The following SLC9A9 variants were observed in gnomAD, a reference collection of about 807,000 sequenced individuals.
SLC9A9 encodes sodium/hydrogen exchanger 9.
SLC9A9 carries 62 observed loss-of-function variants against 77.8 expected under a neutral mutation model. The ratio of observed to expected loss-of-function variants is 0.80; its 90% CI spans 0.65 to 0.98. SLC9A9 has a LOEUF of 0.98. SLC9A9 is among the 50% of genes least tolerant of loss of function. SLC9A9 has a pLI of 0.00. For missense variants in SLC9A9, 775 were observed against 774.9 expected (o/e 1.00, Z 0.00); for synonymous variants, 320 against 283.5 (o/e 1.13, Z -1.29).
chr3:143,273,854 T>C (rs1410102179), intron 14 of SLC9A9, among the ~76,000 whole-genome samples: 1 of 152,226 alleles, frequency 6.6e-6, no homozygotes, highest in Non-Finnish European at 1.5e-5. Flanking sequence ...AATTTGGAAT[T>C]CTCTGGAGTA....
intron 8 of SLC9A9, among the ~76,000 whole-genome samples, chr3:143,568,645 G>C (rs1377691484): frequency 1.3e-5 from 2 of 152,158 alleles, no homozygotes; most frequent in African/African-American, 4.8e-5. Context: ...AAAGTGATCT[G>C]TTATTCAGGT....
intron 11 of SLC9A9, among the ~76,000 whole-genome samples, chr3:143,484,526 T>C (rs1230507973): frequency 6.6e-6 from 1 of 152,190 alleles, no homozygotes; most frequent in Non-Finnish European, 1.5e-5. Flanking sequence ...ACCTGATTCA[T>C]CACCTGATAC....
chr3:143,279,340 C>T (rs1257898985), intron 14 of SLC9A9, among the ~76,000 whole-genome samples: 1 of 152,176 alleles, frequency 6.6e-6, no homozygotes, highest in Non-Finnish European at 1.5e-5. Context: ...TAGGGTCCTG[C>T]CATAGGAATG....
chr3:143,623,128 C>T (rs548809052), intron 6 of SLC9A9, among the ~76,000 whole-genome samples: 2 of 152,232 alleles, frequency 1.3e-5, no homozygotes, highest in East Asian at 3.9e-4. Context: ...TCCTTAGAGA[C>T]CTACAAAGAG....
At chr3:143,811,769 C>T (rs570600587) in intron 2 of SLC9A9, 112 of 450,654 alleles carry the variant, frequency 2.5e-4, no homozygotes, top group African/African-American at 2.0e-3. Flanking sequence ...GTCTAAGGCA[C>T]GAGAATCGCA....
intron 4 of SLC9A9, among the ~76,000 whole-genome samples, chr3:143,783,459 C>A (rs1416569381): frequency 6.6e-6 from 1 of 152,148 alleles, no homozygotes; most frequent in African/African-American, 2.4e-5. Context: ...CTCCTGGCCC[C>A]CTAAGTGTGG....
chr3:143,784,390 T>C (rs542305589), intron 4 of SLC9A9, among the ~76,000 whole-genome samples: 1 of 152,292 alleles, frequency 6.6e-6, no homozygotes, highest in East Asian at 1.9e-4. Flanking sequence ...GGAATGTCAG[T>C]ATGTCTAATG....
At chr3:143,713,780 G>A (rs1448063798) in intron 4 of SLC9A9, among the ~76,000 whole-genome samples, 1 of 152,106 alleles carries the variant, frequency 6.6e-6, no homozygotes, top group Non-Finnish European at 1.5e-5. Context: ...GAAATAAAAC[G>A]AGATAACTTT....
intron 4 of SLC9A9, among the ~76,000 whole-genome samples, chr3:143,722,381 A>G (rs866799628): frequency 6.8e-5 from 10 of 146,292 alleles, no homozygotes; most frequent in African/African-American, 1.5e-4. Flanking sequence ...GCTGAGGCAG[A>G]AGAATGGCGT....
At chr3:143,706,835 G>A (rs1191158895) in intron 4 of SLC9A9, among the ~76,000 whole-genome samples, 1 of 152,150 alleles carries the variant, frequency 6.6e-6, no homozygotes, top group African/African-American at 2.4e-5. Flanking sequence ...TAGTTCATCA[G>A]CTATTGTTAG....
chr3:143,741,246 G>A (rs928636212), intron 4 of SLC9A9, among the ~76,000 whole-genome samples: 3 of 152,058 alleles, frequency 2.0e-5, no homozygotes, highest in Admixed American at 6.6e-5. Flanking sequence ...GTATTTTGTA[G>A]TATCAGAAAG....
intron 14 of SLC9A9, among the ~76,000 whole-genome samples, chr3:143,289,626 G>C (rs1278109186): frequency 2.0e-5 from 3 of 152,040 alleles, no homozygotes; most frequent in African/African-American, 7.2e-5. Flanking sequence ...CCATCAATAA[G>C]TTCTGTCTAC....
intron 13 of SLC9A9, among the ~76,000 whole-genome samples, chr3:143,381,118 C>T (rs955039443): frequency 9.2e-5 from 14 of 152,168 alleles, no homozygotes; most frequent in Admixed American, 4.6e-4. Context: ...TCTACTTTGA[C>T]GTTAGGTTCA....
At chr3:143,698,025 A>C (rs1337262570) in intron 4 of SLC9A9, 2 of 152,244 alleles carry the variant, frequency 1.3e-5, no homozygotes, top group African/African-American at 4.8e-5. Flanking sequence ...TTATAACTAC[A>C]TTAACTGGGA....
At chr3:143,700,663 G>A (rs1162244782) in intron 4 of SLC9A9, among the ~76,000 whole-genome samples, 2 of 152,202 alleles carry the variant, frequency 1.3e-5, no homozygotes, top group Non-Finnish European at 2.9e-5. Flanking sequence ...AGAACATCAG[G>A]TAGACTTGTA....
At chr3:143,318,239 TCA>T (rs2031294401) in intron 14 of SLC9A9, among the ~76,000 whole-genome samples, 1 of 152,192 alleles carries the variant, frequency 6.6e-6, no homozygotes, top group South Asian at 2.1e-4. Context: ...TACCCTTCTC[TCA>T]GTAAATCAAG....
At chr3:143,551,095 T>C (rs1295934407) in intron 9 of SLC9A9, among the ~76,000 whole-genome samples, 1 of 152,136 alleles carries the variant, frequency 6.6e-6, no homozygotes, top group African/African-American at 2.4e-5. Flanking sequence ...GTGGTAGACA[T>C]GCATGCAGGG....
At chr3:143,301,550 T>C (rs954557330) in intron 14 of SLC9A9, among the ~76,000 whole-genome samples, 1 of 152,182 alleles carries the variant, frequency 6.6e-6, no homozygotes, top group Non-Finnish European at 1.5e-5. Context: ...ATGGAATAGC[T>C]GGGTGTTAGG....
intron 6 of SLC9A9, among the ~76,000 whole-genome samples, chr3:143,582,005 A>C (rs2037463854): frequency 6.6e-6 from 1 of 152,250 alleles, no homozygotes; most frequent in Non-Finnish European, 1.5e-5. Flanking sequence ...GACGGAATGA[A>C]GGTGCGGGAC....
Sources: gnomAD v4.1 joint callset for allele counts (sites outside exome capture counted in the v4.1 genomes callset) on GRCh38, gnomAD v4.1.1 for gene constraint, MANE v1.5 for transcripts, NCBI Gene and HGNC (gene_info 2026-07-23, HGNC 2026-07-21) for gene names.